BHLHE41: variants seen among roughly 807,000 people sequenced by gnomAD.
BHLHE41 encodes the protein class E basic helix-loop-helix protein 41.
Under a neutral mutation model 24.0 loss-of-function variants are expected in BHLHE41, and 14 were observed. That is an observed-to-expected ratio of 0.58 (90% CI 0.39 to 0.91). The LOEUF (loss-of-function observed/expected upper bound fraction) is 0.91. Among genes scored for constraint, BHLHE41 ranks in the 40% least tolerant of loss-of-function variants. BHLHE41 has a pLI of 0.00. For synonymous variants in BHLHE41, 394 were observed against 315.5 expected, an observed-to-expected ratio of 1.25 and a Z score of -2.64; for missense variants, 674 against 655.4, an observed-to-expected ratio of 1.03 and a Z score of -0.31.
Position 26,124,892 on chromosome 12 carries a change from T to G in BHLHE41, c.-113A>C. 3 of 1,045,796 alleles carry G rather than the reference T, an allele frequency of 2.9e-6. No individual in the cohort carries two copies. The highest frequency in any genetic ancestry group is 4.5e-6 in the Non-Finnish European group (3 of 672,250). The allele number at this position is 1,045,796 out of a possible 1,614,324, so 64.8% of individuals were successfully genotyped here. ...GATCTGTGCGTCTCCAGTCTCTCTC[T>G]CGCTCTCCCTCTTCAGTGCAGTGTT... is the stretch of plus-strand genomic sequence containing the variant. On this transcript the variant is annotated 5_prime_UTR_variant, in exon 1 of 5. Transcript: ENST00000242728.
rs1442539403 is a variant in BHLHE41 at position 26,122,276 on chromosome 12, G to A, written c.1239C>T (p.Pro413=). 8.3e-7 allele frequency: 1 copy of A among 1,211,792 alleles called. No homozygotes were observed. The highest frequency in any genetic ancestry group is 1.0e-6 in the Non-Finnish European group (1 of 974,880). The allele number at this position is 1,211,792 out of a possible 1,614,324, so 75.1% of individuals were successfully genotyped here. A position where few individuals can be genotyped will look rare whatever the true frequency, so the allele number is the denominator to read the frequency against. Reference sequence around the variant, plus strand: ...GGGGCGACAACACCGAGGACAGGCAGGGGAACGCGGCGGCGGCGGCGGCAG... The same window carrying A: ...GGGGCGACAACACCGAGGACAGGCAAGGGAACGCGGCGGCGGCGGCGGCAG... ...AAAAAAAAAF[P]CLSSVLSPPP... is the part of the protein sequence containing the mutation. Residue 413 remains proline, a synonymous_variant, in exon 5 of 5, where the codon CCC becomes CCT. Transcript: ENST00000242728.
At position 26,122,626 on chromosome 12, in the gene BHLHE41, CGCCGCCCCCCGGGCCGCCGCCGCT is replaced by C; in HGVS notation, c.865_888del (p.Ser289_Gly296del). 2 of 1,205,690 alleles carry C rather than the reference CGCCGCCCCCCGGGCCGCCGCCGCT, an allele frequency of 1.7e-6. No individual in the cohort carries two copies. Among genetic ancestry groups the C allele is most frequent in the Non-Finnish European group, 2.1e-6 (2 of 974,678 alleles). The allele number at this position is 1,205,690 out of a possible 1,614,324, so 74.7% of individuals were successfully genotyped here. ...AGAAGCGCGGCTGCCGCCGCCGCCG[CGCCGCCCCCCGGGCCGCCGCCGCT>C]GCCGCCGCCGCGGGAATCCAGCTTC... is the stretch of plus-strand genomic sequence containing the variant. On this transcript the variant is annotated inframe_deletion, in exon 5 of 5. Transcript: ENST00000242728.
Position 26,124,744 on chromosome 12 carries a change from C to CT in BHLHE41, c.35dup (p.Leu13ValfsTer5). The CT allele has an allele frequency of 6.2e-7, 1 of 1,614,216 alleles. No homozygotes were observed. The highest frequency in any genetic ancestry group is 8.5e-7 in the Non-Finnish European group (1 of 1,180,034). On this transcript the variant is annotated frameshift_variant, in exon 1 of 5. Transcript: ENST00000242728. LOFTEE classifies it high-confidence loss of function. ...CTATAAAATCTCTATGTTCCAGTAA[C>CT]TGTCTCTCTTGCAAATGAGGAATTC...
In BHLHE41 at chr12:26,121,862, G is replaced by T. The variant is rs552418910; in HGVS notation, c.*204C>A. 5.3e-3 allele frequency: 6,918 copies of T among 1,301,420 alleles called. 48 individuals carry two copies. Among genetic ancestry groups the T allele is most frequent in the Middle Eastern group, 5.6e-3 (21 of 3,778 alleles). The allele number at this position is 1,301,420 out of a possible 1,614,324, so 80.6% of individuals were successfully genotyped here. On this transcript the variant is annotated 3_prime_UTR_variant, in exon 5 of 5. Transcript: ENST00000242728. ...GGGATGTTAGTGTGTGGAGGGTGGG[G>T]TGGTGCGGGATGAGCAAAACAGGAA...
In BHLHE41 at chr12:26,124,977, C is replaced by T. The variant is rs1944351305; in HGVS notation, c.-198G>A. On this transcript the variant is annotated 5_prime_UTR_variant, in exon 1 of 5. It adds an upstream start codon to the 5' untranslated region. Transcript: ENST00000242728. ...GCGCTCGCACACACACACGCACACACACGCACACTCGCGCCGGCCCCACTG... is the reference window on the plus strand; with the variant it reads ...GCGCTCGCACACACACACGCACACATACGCACACTCGCGCCGGCCCCACTG... 1 of 661,210 alleles carries T rather than the reference C, an allele frequency of 1.5e-6. No homozygotes were observed. The highest frequency in any genetic ancestry group is 1.7e-5 in the South Asian group (1 of 59,488). The allele number at this position is 661,210 out of a possible 1,614,324, so 41.0% of individuals were successfully genotyped here.
rs941226490 is a variant in BHLHE41 at position 26,121,805 on chromosome 12, T to A, written c.*261A>T. ...AAAAAAAGAGCCAGTGTCTTTCGCA[T>A]AGGATCTTTTACAGCTGGTGGGGGG... On this transcript the variant is annotated 3_prime_UTR_variant, in exon 5 of 5. Transcript: ENST00000242728. The A allele has an allele frequency of 2.9e-5, 22 of 757,000 alleles. No homozygotes were observed. The African/African-American group carries it at 4.1e-4, about 14-fold the overall frequency. 46.9% of individuals were successfully genotyped at this position (757,000 alleles called of 1,614,324 possible).
In BHLHE41 at chr12:26,122,478, G is replaced by C; in HGVS notation, c.1037C>G (p.Pro346Arg). 1.5e-6 allele frequency: 2 copies of C among 1,340,316 alleles called. No individual in the cohort carries two copies. Among genetic ancestry groups the C allele is most frequent in the Non-Finnish European group, 1.9e-6 (2 of 1,036,760 alleles). The allele number at this position is 1,340,316 out of a possible 1,614,324, so 83.0% of individuals were successfully genotyped here. A position where few individuals can be genotyped will look rare whatever the true frequency, so the allele number is the denominator to read the frequency against. ...PFPQPAAAAA[P>R]FCLPFCFLSP... ...GAGGAAGCAGAAGGGCAGGCAGAAG[G>C]GGGCCGCGGCGGCCGCGGGCTGCGG... Residue 346 changes from proline (P) to arginine (R), a missense_variant, in exon 5 of 5, where the codon CCC (proline) becomes CGC (arginine). Pro to Arg is a moderately radical substitution (Grantham distance 103). Transcript: ENST00000242728.
Position 26,121,867 on chromosome 12 carries a change from G to T in BHLHE41, c.*199C>A. ...GTTAGTGTGTGGAGGGTGGGGTGGT[G>T]CGGGATGAGCAAAACAGGAACTCCG... On this transcript the variant is annotated 3_prime_UTR_variant, in exon 5 of 5. Coordinates refer to ENST00000242728, the MANE Select transcript of BHLHE41 (RefSeq NM_030762.3). 1 of 1,376,200 alleles carries T rather than the reference G, an allele frequency of 7.3e-7. No individual in the cohort carries two copies. The highest frequency in any genetic ancestry group is 1.4e-5 in the South Asian group (1 of 72,344). The allele number at this position is 1,376,200 out of a possible 1,614,324, so 85.2% of individuals were successfully genotyped here. A position where few individuals can be genotyped will look rare whatever the true frequency, so the allele number is the denominator to read the frequency against.
In BHLHE41 at chr12:26,122,306, G is replaced by A. The variant is rs1944315603; in HGVS notation, c.1209C>T (p.Ala403=). The part of the protein sequence containing the change: ...PAPAAAAAAA[A]AAAAAAAAFP... ...ACGCGGCGGCGGCGGCGGCAGCGGC[G>A]GCGGCGGCTGCCGCGGCTGCCGCCG... is the stretch of plus-strand genomic sequence containing the variant. The change falls in exon 5 of 5, where the codon GCC becomes GCT. Residue 403 remains alanine (A), a synonymous_variant. Coordinates refer to ENST00000242728, the MANE Select transcript of BHLHE41 (RefSeq NM_030762.3). 8.5e-7 allele frequency: 1 copy of A among 1,181,892 alleles called. No homozygotes were observed. Among genetic ancestry groups the A allele is most frequent in the Non-Finnish European group, 1.0e-6 (1 of 956,938 alleles). The allele number at this position is 1,181,892 out of a possible 1,614,324, so 73.2% of individuals were successfully genotyped here.
In BHLHE41 at chr12:26,124,774, G is replaced by A. The variant is rs1311267949; in HGVS notation, c.6C>T (p.Asp2=). The part of the protein sequence containing the change: M[D]EGIPHLQERQ... The stretch of plus-strand genomic sequence containing the variant: ...TCTCTTGCAAATGAGGAATTCCTTC[G>A]TCCATGTTCAACTGCTGTTCGTTTC... The change falls in exon 1 of 5, where the codon GAC becomes GAT. Residue 2 remains aspartate (D), a synonymous_variant. Transcript: ENST00000242728. 19 of 1,614,006 alleles carry A rather than the reference G, an allele frequency of 1.2e-5. No individual in the cohort carries two copies. The highest frequency in any genetic ancestry group is 2.2e-5 in the East Asian group (1 of 44,882).
At chr12:26,123,854 G>A (rs2137388738) in intron 3 of BHLHE41, 113 bp from the exon 4 acceptor site, 1 of 824,268 alleles carries the variant, frequency 1.2e-6, no homozygotes. Flanking sequence ...AAGAAGTACT[G>A]TTCTTTTACT....
Position 26,122,488 on chromosome 12 carries a change from C to A in BHLHE41, c.1027G>T (p.Ala343Ser). The A allele has an allele frequency of 2.3e-6, 3 of 1,324,838 alleles. No homozygotes were observed. The highest frequency in any genetic ancestry group is 2.9e-6 in the Non-Finnish European group (3 of 1,027,532). The allele number at this position is 1,324,838 out of a possible 1,614,324, so 82.1% of individuals were successfully genotyped here. A position where few individuals can be genotyped will look rare whatever the true frequency, so the allele number is the denominator to read the frequency against. Residue 343 changes from alanine to serine, a missense_variant, in exon 5 of 5, where the codon GCC becomes TCC. This residue lies in a region of BHLHE41 where 602 missense variants were observed against 570.8 expected (regional missense o/e 1.05). Coordinates refer to ENST00000242728, the MANE Select transcript of BHLHE41 (RefSeq NM_030762.3). ...GGAPFPQPAA[A>S]AAPFCLPFCF... ...AAGGGCAGGCAGAAGGGGGCCGCGG[C>A]GGCCGCGGGCTGCGGGAAGGGCGCG... is the stretch of plus-strand genomic sequence containing the variant.
Position 26,124,504 on chromosome 12 carries a change from G to A in BHLHE41, c.126+15C>T, listed in dbSNP as rs181171327. ...CCCATGCAGGTTATGAGGAATATCG[G>A]GAACTTACACTTACCTTGGTGTCGT... On this transcript the variant is annotated intron_variant, in intron 2 of 4. Coordinates refer to ENST00000242728, the MANE Select transcript of BHLHE41 (RefSeq NM_030762.3). 8.1e-6 allele frequency: 13 copies of A among 1,612,378 alleles called. No homozygotes were observed. In the African/African-American group the frequency reaches 1.3e-4, roughly 17 times the overall value.
rs754102488 is a variant in BHLHE41, at chr12:26,123,187, G to C, written c.347-19C>G. 2 of 1,566,314 alleles carry C rather than the reference G, an allele frequency of 1.3e-6. No homozygotes were observed. The highest frequency in any genetic ancestry group is 8.7e-7 in the Non-Finnish European group (1 of 1,152,404). Reference sequence around the variant, plus strand: ...CGCTCCCCTAGGATGAGGAAGGGATGGGGGTGGGGGACGGAGGAGTGGAGG... The same window carrying C: ...CGCTCCCCTAGGATGAGGAAGGGATCGGGGTGGGGGACGGAGGAGTGGAGG... On this transcript the variant is annotated intron_variant, in intron 4 of 4. Transcript: ENST00000242728.
Position 26,124,086 on chromosome 12 carries a change from G to A in BHLHE41, c.220C>T (p.His74Tyr), listed in dbSNP as rs778490964. ...IAQLKDLLPE[H>Y]LKLTTLGHLE... is the part of the protein sequence containing the mutation. Reference sequence around the variant, plus strand: ...GTGCATCTTACTGTCAATTTCAGATGTTCAGGCAGTAAATCTTTCAGCTGA... The same window carrying A: ...GTGCATCTTACTGTCAATTTCAGATATTCAGGCAGTAAATCTTTCAGCTGA... The change falls in exon 3 of 5, where the codon CAT becomes TAT. Residue 74 changes from histidine (H) to tyrosine (Y), a missense_variant. Around this residue, in one of 3 missense-constraint regions of BHLHE41, gnomAD observed 602 missense variants for 570.8 expected, o/e 1.05. Coordinates refer to ENST00000242728, the MANE Select transcript of BHLHE41 (RefSeq NM_030762.3). 10 of 1,605,924 alleles carry A rather than the reference G, an allele frequency of 6.2e-6. No homozygotes were observed. The South Asian group carries it at 9.9e-5, about 16-fold the overall frequency.
rs1397092956 is a variant in BHLHE41, at chr12:26,122,246, G to C, written c.1269C>G (p.Pro423=). Residue 423 remains proline (P), a synonymous_variant, in exon 5 of 5, where the codon CCC becomes CCG. Transcript: ENST00000242728. ...TCGCGGCGGCGGCGCCCGCCTTCTC[G>C]GGAGGGGGCGACAACACCGAGGACA... ...PCLSSVLSPP[P]EKAGAAAATL... is the part of the protein sequence containing the mutation. 1 of 1,275,456 alleles carries C rather than the reference G, an allele frequency of 7.8e-7. No homozygotes were observed. The highest frequency in any genetic ancestry group is 9.9e-7 in the Non-Finnish European group (1 of 1,013,928). 79.0% of individuals were successfully genotyped at this position (1,275,456 alleles called of 1,614,324 possible). A position where few individuals can be genotyped will look rare whatever the true frequency, so the allele number is the denominator to read the frequency against.
In BHLHE41 at chr12:26,124,712, C is replaced by G. The variant is rs1944347705; in HGVS notation, c.62+6G>C. 1 of 1,614,026 alleles carries G rather than the reference C, an allele frequency of 6.2e-7. No individual in the cohort carries two copies. The highest frequency in any genetic ancestry group is 8.5e-7 in the Non-Finnish European group (1 of 1,179,868). Reference sequence around the variant, plus strand: ...ACAGATATTCGCAAGGGTGCGTGCACCTTACCCTATAAAATCTCTATGTTC... The same window carrying G: ...ACAGATATTCGCAAGGGTGCGTGCAGCTTACCCTATAAAATCTCTATGTTC... On this transcript the variant is annotated splice_donor_region_variant and intron_variant, in intron 1 of 4. Coordinates refer to ENST00000242728, the MANE Select transcript of BHLHE41 (RefSeq NM_030762.3).
Position 26,122,631 on chromosome 12 carries a change from C to T in BHLHE41, c.884G>A (p.Gly295Asp), listed in dbSNP as rs1387397479. Residue 295 changes from glycine (G) to aspartate (D), a missense_variant, in exon 5 of 5, where the codon GGC (glycine) becomes GAC (aspartate). By Grantham distance (94) the Gly-to-Asp change is moderately conservative. This residue lies in a region of BHLHE41 where 602 missense variants were observed against 570.8 expected (regional missense o/e 1.05). Coordinates refer to ENST00000242728, the MANE Select transcript of BHLHE41 (RefSeq NM_030762.3). ...RGGGSGGGPG[G>D]GAAAAAAALL... ...CGCGGCTGCCGCCGCCGCCGCGCCG[C>T]CCCCCGGGCCGCCGCCGCTGCCGCC... The T allele has an allele frequency of 1.7e-5, 21 of 1,241,456 alleles. 1 individual carries two copies. Among genetic ancestry groups the T allele is most frequent in the Non-Finnish European group, 2.0e-5 (20 of 994,456 alleles). 76.9% of individuals were successfully genotyped at this position (1,241,456 alleles called of 1,614,324 possible). A position where few individuals can be genotyped will look rare whatever the true frequency, so the allele number is the denominator to read the frequency against.
Position 26,120,219 on chromosome 12 carries a change from G to A in BHLHE41, c.*1847C>T, listed in dbSNP as rs967087712. On this transcript the variant is annotated 3_prime_UTR_variant, in exon 5 of 5. Coordinates refer to ENST00000242728, the MANE Select transcript of BHLHE41 (RefSeq NM_030762.3). ...TTATAGATATCTTAAAACTAATTGA[G>A]CATCCATTATGTCTTTTTTAATTAT... The A allele has an allele frequency of 6.6e-6, 1 of 152,462 alleles. No homozygotes were observed. Among genetic ancestry groups the A allele is most frequent in the Non-Finnish European group, 1.5e-5 (1 of 68,024 alleles). The allele number at this position is 152,462 out of a possible 1,614,324, so 9.4% of individuals were successfully genotyped here.
Sources: gnomAD v4.1 joint callset for allele counts on GRCh38, gnomAD v4.1.1 for gene constraint, gnomAD v4.1.1 regional missense constraint, MANE v1.5 for transcripts, NCBI Gene and HGNC (gene_info 2026-07-23, HGNC 2026-07-21) for gene names.